Variants in PKHD1 observed in about 807,000 individuals in gnomAD.
PKHD1 encodes the protein fibrocystin.
In PKHD1, 291 loss-of-function variants were observed where a neutral mutation model predicts 412.0. The observed-to-expected ratio is 0.71, with a 90% CI of 0.64 to 0.78. PKHD1 has a LOEUF of 0.78. PKHD1 is among the 30% of genes least tolerant of loss of function. The pLI is 0.00. For missense variants in PKHD1, 4,825 were observed against 4,950.7 expected (o/e 0.97, Z 0.76); for synonymous variants, 1,777 against 1,821.5 (o/e 0.98, Z 0.62).
chr6:52,050,320 A>C, intron 21 of PKHD1, 25 bp from the exon 22 acceptor site: 1 of 1,613,696 alleles, frequency 6.2e-7, no homozygotes, highest in South Asian at 1.1e-5. Context: ...TCCAATTACT[A>C]TCAAGTGACT....
intron 60 of PKHD1, among the ~76,000 whole-genome samples, chr6:51,718,890 T>C (rs965426228): frequency 6.6e-6 from 1 of 152,192 alleles, no homozygotes; most frequent in Non-Finnish European, 1.5e-5. Flanking sequence ...TTCACATTTA[T>C]GTTGTAAGAA....
chr6:52,086,117 A>ATG (rs1185806591), intron 1 of PKHD1, among the ~76,000 whole-genome samples: 17 of 146,494 alleles, frequency 1.2e-4, no homozygotes, highest in Admixed American at 2.7e-4. Flanking sequence ...GTGTGTGTGT[A>ATG]TGTGTGTGTG....
intron 45 of PKHD1, among the ~76,000 whole-genome samples, chr6:51,884,145 TTTTA>T (rs1226645969): frequency 6.6e-5 from 10 of 152,352 alleles, no homozygotes; most frequent in African/African-American, 2.2e-4. Flanking sequence ...TTTTTGCTAA[TTTTA>T]TTTATTATTA....
At chr6:51,653,264 T>A (rs984642207) in intron 61 of PKHD1, among the ~76,000 whole-genome samples, 1 of 152,128 alleles carries the variant, frequency 6.6e-6, no homozygotes, top group Non-Finnish European at 1.5e-5. Flanking sequence ...TTTTCTTACC[T>A]TTCATGGTCC....
At chr6:52,032,741 T>C (rs1209173024) in intron 29 of PKHD1, among the ~76,000 whole-genome samples, 1 of 152,212 alleles carries the variant, frequency 6.6e-6, no homozygotes, top group Non-Finnish European at 1.5e-5. Context: ...GCTATCATTA[T>C]TGACACTTAC....
At chr6:52,008,549 C>G (rs543723143) in intron 35 of PKHD1, among the ~76,000 whole-genome samples, 31 of 152,186 alleles carry the variant, frequency 2.0e-4, no homozygotes, top group Non-Finnish European at 3.1e-4. Context: ...CAAAATTAGA[C>G]TTTGAGATGA....
At chr6:51,955,862 G>A (rs1428932428) in intron 36 of PKHD1, among the ~76,000 whole-genome samples, 1 of 151,944 alleles carries the variant, frequency 6.6e-6, no homozygotes, top group African/African-American at 2.4e-5. Flanking sequence ...CCTGCAGATG[G>A]TATCAGAAAA....
At chr6:51,794,334 T>G (rs1794248950) in intron 52 of PKHD1, among the ~76,000 whole-genome samples, 1 of 152,228 alleles carries the variant, frequency 6.6e-6, no homozygotes. Flanking sequence ...TGTCTTCTTT[T>G]GAGAGGCATC....
intron 60 of PKHD1, among the ~76,000 whole-genome samples, chr6:51,673,714 G>T (rs1775383190): frequency 6.6e-6 from 1 of 152,122 alleles, no homozygotes; most frequent in Non-Finnish European, 1.5e-5. Flanking sequence ...GAGGGGCAGG[G>T]GTTTTATTAA....
At chr6:51,810,192 G>A (rs956211885) in intron 52 of PKHD1, among the ~76,000 whole-genome samples, 1 of 151,944 alleles carries the variant, frequency 6.6e-6, no homozygotes, top group Non-Finnish European at 1.5e-5. Context: ...TTGATTTGGG[G>A]TCTTGGAAAA....
chr6:52,022,682 T>C, intron 33 of PKHD1, 119 bp downstream of exon 33: 1 of 997,744 alleles, frequency 1.0e-6, no homozygotes, highest in Non-Finnish European at 1.5e-6. Context: ...ATTCTTTTCC[T>C]AGGCACACAT....
At chr6:52,069,000 C>A (rs1352315247) in intron 11 of PKHD1, among the ~76,000 whole-genome samples, 1 of 152,182 alleles carries the variant, frequency 6.6e-6, no homozygotes, top group Admixed American at 6.5e-5. Context: ...CAATTCCAAG[C>A]AAGCTTCCAA....
chr6:51,710,069 G>T (rs1439628381), intron 60 of PKHD1, among the ~76,000 whole-genome samples: 5 of 151,992 alleles, frequency 3.3e-5, no homozygotes. Flanking sequence ...AATTAGCCGG[G>T]CATGGTGGCG....
Position 51,617,817 on chromosome 6 carries a change from T to C in PKHD1, c.*1264A>G, listed in dbSNP as rs1258889722. On this transcript the variant is annotated 3_prime_UTR_variant, in exon 67 of 67. Transcript: ENST00000371117. ...TATTTAGAATTCAGCAATGAAAGAG[T>C]GTGTTTCCTTTCTCTCTTCCAATGC... 1 of 152,030 alleles carries C rather than the reference T, an allele frequency of 6.6e-6. No individual in the cohort carries two copies. Among genetic ancestry groups the C allele is most frequent in the Admixed American group, 6.6e-5 (1 of 15,266 alleles). 9.4% of individuals were successfully genotyped at this position (152,030 alleles called of 1,614,324 possible). A position where few individuals can be genotyped will look rare whatever the true frequency, so the allele number is the denominator to read the frequency against.
intron 36 of PKHD1, among the ~76,000 whole-genome samples, chr6:51,957,601 C>A (rs976506425): frequency 6.6e-6 from 1 of 151,984 alleles, no homozygotes; most frequent in Non-Finnish European, 1.5e-5. Flanking sequence ...AAGATCCAGC[C>A]GACGGGGTTC....
intron 61 of PKHD1, among the ~76,000 whole-genome samples, chr6:51,656,885 C>T (rs763753643): frequency 2.0e-5 from 3 of 151,644 alleles, no homozygotes; most frequent in Non-Finnish European, 2.9e-5. Flanking sequence ...CAAACTCCTG[C>T]GCTCAAGCTA....
rs1329600374 is a variant in PKHD1 at position 52,071,054 on chromosome 6, C to A, written c.619G>T (p.Asp207Tyr). The change falls in exon 9 of 67, where the codon GAC becomes TAC. Residue 207 changes from aspartate to tyrosine, a missense_variant. Transcript: ENST00000371117. ...CACTGCAGAGTCCCAAGACCATGGTCCTCCTGAATAGGATAACTAAGGAAA... is the reference window on the plus strand; with the variant it reads ...CACTGCAGAGTCCCAAGACCATGGTACTCCTGAATAGGATAACTAAGGAAA... The part of the protein sequence containing the change: ...QMGSCYPIQE[D>Y]HGLGTLQCHV... 4 of 1,604,124 alleles carry A rather than the reference C, an allele frequency of 2.5e-6. No homozygotes were observed. Among genetic ancestry groups the A allele is most frequent in the African/African-American group, 1.3e-5 (1 of 74,624 alleles).
chr6:51,730,852 A>T (rs1783152029), intron 60 of PKHD1, among the ~76,000 whole-genome samples: 1 of 152,212 alleles, frequency 6.6e-6, no homozygotes, highest in Non-Finnish European at 1.5e-5. Flanking sequence ...AACTGAAAAT[A>T]GACAAACATT....
intron 63 of PKHD1, among the ~76,000 whole-genome samples, chr6:51,641,279 TA>T (rs1267483091): frequency 6.6e-6 from 1 of 152,128 alleles, no homozygotes; most frequent in Non-Finnish European, 1.5e-5. Context: ...AAAAAGGTAA[TA>T]GTGACAATAC....
Sources: allele counts gnomAD v4.1 joint callset (sites outside exome capture counted in the v4.1 genomes callset), GRCh38; gene constraint gnomAD v4.1.1; transcripts MANE v1.5; gene names NCBI Gene and HGNC (gene_info 2026-07-23, HGNC 2026-07-21).